THSD7A: variants seen among roughly 807,000 people sequenced by gnomAD.
THSD7A encodes thrombospondin type 1 domain containing 7A, also known as thrombospondin type-1 domain-containing protein 7A.
A neutral mutation model predicts 231.3 loss-of-function variants in THSD7A; 96 were observed. That is an observed-to-expected ratio of 0.41 (90% CI 0.35 to 0.49). The LOEUF (loss-of-function observed/expected upper bound fraction) is 0.49. Ranked by LOEUF, THSD7A falls within the 20% of genes least tolerant of loss-of-function variation. THSD7A has a pLI of 0.05. For synonymous variants in THSD7A, 940 were observed against 743.3 expected, an observed-to-expected ratio of 1.26 and a Z score of -4.30; for missense variants, 2,290 against 2,070.2, an observed-to-expected ratio of 1.11 and a Z score of -2.06.
intron 1 of THSD7A, among the ~76,000 whole-genome samples, chr7:11,679,262 A>G (rs537583325): frequency 2.0e-5 from 3 of 152,224 alleles, no homozygotes; most frequent in South Asian, 2.1e-4. Flanking sequence ...AGCAAAAGCT[A>G]GAAGCATTCC....
chr7:11,382,411 AG>A, intron 24 of THSD7A, 109 bp downstream of exon 24: 1 of 869,086 alleles, frequency 1.2e-6, no homozygotes, highest in Non-Finnish European at 1.9e-6. Flanking sequence ...AATCCCAAAC[AG>A]GCTTTGAATA....
chr7:11,516,175 G>A (rs1562676165), intron 6 of THSD7A, among the ~76,000 whole-genome samples: 1 of 152,098 alleles, frequency 6.6e-6, no homozygotes, highest in Non-Finnish European at 1.5e-5. Flanking sequence ...TACTTATGTA[G>A]TTAATTTACT....
Position 11,753,216 on chromosome 7 carries a change from T to G in THSD7A, c.190+78541A>C, listed in dbSNP as rs145417149. ...TTTAATCAATTTGTTTGTTTGAAGC[T>G]TATATGAAAATTATTGTTTTCCACT... On this transcript the variant is annotated intron_variant, in intron 1 of 27. Coordinates refer to ENST00000423059, the MANE Select transcript of THSD7A (RefSeq NM_015204.3). Among the ~76,000 whole-genome samples, 953 of 152,184 alleles carry G rather than the reference T, an allele frequency of 6.3e-3. 7 individuals are homozygous for G. The highest frequency in any genetic ancestry group is 9.2e-3 in the Non-Finnish European group (624 of 67,974).
At chr7:11,794,654 A>G (rs1282060139) in intron 1 of THSD7A, among the ~76,000 whole-genome samples, 1 of 151,994 alleles carries the variant, frequency 6.6e-6, no homozygotes, top group African/African-American at 2.4e-5. Flanking sequence ...CTTTAATATC[A>G]TCGCCTAAGA....
chr7:11,525,583 C>G (rs768881398), intron 6 of THSD7A, among the ~76,000 whole-genome samples: 1 of 152,006 alleles, frequency 6.6e-6, no homozygotes, highest in Non-Finnish European at 1.5e-5. Flanking sequence ...TTTCCAAATA[C>G]TATTATGATA....
chr7:11,561,883 T>C (rs1307087600), intron 4 of THSD7A, among the ~76,000 whole-genome samples: 1 of 151,942 alleles, frequency 6.6e-6, no homozygotes, highest in Non-Finnish European at 1.5e-5. Context: ...AAACTGATGC[T>C]CAAAAAGATT....
intron 1 of THSD7A, among the ~76,000 whole-genome samples, chr7:11,759,321 A>G (rs1427575121): frequency 2.6e-5 from 4 of 152,126 alleles, no homozygotes; most frequent in Non-Finnish European, 5.9e-5. Context: ...GAACCAATGA[A>G]ATGATCACAA....
intron 1 of THSD7A, among the ~76,000 whole-genome samples, chr7:11,653,634 T>C (rs192643058): frequency 1.6e-3 from 246 of 152,010 alleles, no homozygotes; most frequent in Middle Eastern, 0.01. Context: ...TAGCTGGAAC[T>C]ACAGGCATGT....
At chr7:11,618,872 T>C (rs1781210798) in intron 2 of THSD7A, among the ~76,000 whole-genome samples, 1 of 151,962 alleles carries the variant, frequency 6.6e-6, no homozygotes, top group Non-Finnish European at 1.5e-5. Context: ...TGAATTTAGA[T>C]ATATAATGTA....
At chr7:11,546,287 A>G (rs1263669733) in intron 4 of THSD7A, among the ~76,000 whole-genome samples, 1 of 151,764 alleles carries the variant, frequency 6.6e-6, no homozygotes, top group African/African-American at 2.4e-5. Flanking sequence ...CCAAGTGTGG[A>G]CCCCATTGTC....
intron 9 of THSD7A, among the ~76,000 whole-genome samples, chr7:11,464,793 G>T (rs1211954948): frequency 6.6e-6 from 1 of 152,050 alleles, no homozygotes; most frequent in Non-Finnish European, 1.5e-5. Flanking sequence ...CGTTTAATGG[G>T]GTTACACAGG....
At chr7:11,665,412 A>G (rs1434239093) in intron 1 of THSD7A, among the ~76,000 whole-genome samples, 1 of 152,116 alleles carries the variant, frequency 6.6e-6, no homozygotes, top group Non-Finnish European at 1.5e-5. Flanking sequence ...AAAACCCCAG[A>G]GGAAAATAAG....
chr7:11,694,560 A>T (rs1027636937), intron 1 of THSD7A, among the ~76,000 whole-genome samples: 3 of 151,670 alleles, frequency 2.0e-5, no homozygotes, highest in African/African-American at 7.2e-5. Flanking sequence ...GCTGACTGTG[A>T]TCTCACCAAA....
chr7:11,676,778 C>G (rs1002766028), intron 1 of THSD7A, among the ~76,000 whole-genome samples: 1 of 151,952 alleles, frequency 6.6e-6, no homozygotes, highest in African/African-American at 2.4e-5. Flanking sequence ...GTGAAAAGAC[C>G]AAACCTAAGT....
chr7:11,665,881 A>T (rs966762725), intron 1 of THSD7A, among the ~76,000 whole-genome samples: 20 of 152,150 alleles, frequency 1.3e-4, no homozygotes, highest in Non-Finnish European at 2.4e-4. Context: ...ACAAGTTTTT[A>T]AAAAGACAAC....
intron 1 of THSD7A, among the ~76,000 whole-genome samples, chr7:11,788,023 C>G (rs1224820006): frequency 6.6e-6 from 1 of 152,010 alleles, no homozygotes; most frequent in African/African-American, 2.4e-5. Context: ...ATATCCAAAA[C>G]CCAACTCACC....
chr7:11,757,948 A>T (rs1470284303), intron 1 of THSD7A, among the ~76,000 whole-genome samples: 2 of 149,692 alleles, frequency 1.3e-5, no homozygotes, highest in South Asian at 2.1e-4. Flanking sequence ...TGATTATAAA[A>T]TTTTTTATTG....
At chr7:11,786,499 T>A (rs771053551) in intron 1 of THSD7A, among the ~76,000 whole-genome samples, 2 of 151,990 alleles carry the variant, frequency 1.3e-5, no homozygotes, top group Non-Finnish European at 1.5e-5. Flanking sequence ...AAGAGAAAGG[T>A]GTAATGCTAC....
At chr7:11,720,309 TG>T (rs1195543318) in intron 1 of THSD7A, among the ~76,000 whole-genome samples, 4 of 151,744 alleles carry the variant, frequency 2.6e-5, no homozygotes, top group African/African-American at 9.7e-5. Context: ...ACCCATCAGA[TG>T]GGAATCTCTC....
Sources: allele counts gnomAD v4.1 joint callset (sites outside exome capture counted in the v4.1 genomes callset), GRCh38; gene constraint gnomAD v4.1.1; transcripts MANE v1.5; gene names NCBI Gene and HGNC (gene_info 2026-07-23, HGNC 2026-07-21).